Variants in RAPGEF6 observed in about 807,000 individuals in gnomAD.
The protein encoded by RAPGEF6 is PDZ domain containing guanine nucleotide exchange factor (GEF) 2.
Under a neutral mutation model 171.4 loss-of-function variants are expected in RAPGEF6, and 56 were observed. The observed-to-expected ratio is 0.33, with a 90% CI of 0.26 to 0.41. The LOEUF is 0.41. Among genes scored for constraint, RAPGEF6 ranks in the 10% least tolerant of loss-of-function variants. The pLI is 1.00. For missense variants in RAPGEF6, 1,674 were observed against 1,921.4 expected, an observed-to-expected ratio of 0.87 and a Z score of 2.41; for synonymous variants, 692 against 650.1, an observed-to-expected ratio of 1.06 and a Z score of -0.98.
At chr5:131,462,218 T>A in intron 18 of RAPGEF6, 130 bp from the exon 19 acceptor site, 4 of 827,034 alleles carry the variant, frequency 4.8e-6, no homozygotes, top group Non-Finnish European at 6.7e-6. Flanking sequence ...AATTTACAGA[T>A]AAAATGAAAA....
At chr5:131,444,787 A>T (rs1479116826) in intron 22 of RAPGEF6, among the ~76,000 whole-genome samples, 1 of 152,194 alleles carries the variant, frequency 6.6e-6, no homozygotes, top group African/African-American at 2.4e-5. Context: ...CCATAAGATG[A>T]TTAAGTCTAC....
chr5:131,625,329 T>C (rs1230897107), intron 1 of RAPGEF6, among the ~76,000 whole-genome samples: 1 of 152,148 alleles, frequency 6.6e-6, no homozygotes, highest in Non-Finnish European at 1.5e-5. Context: ...ATATGGACTT[T>C]ATGTTTTATA....
intron 16 of RAPGEF6, among the ~76,000 whole-genome samples, chr5:131,475,964 GA>G (rs1472814614): frequency 6.6e-6 from 1 of 152,084 alleles, no homozygotes; most frequent in African/African-American, 2.4e-5. Flanking sequence ...CAGAAATTGT[GA>G]AACTGAACTC....
intron 6 of RAPGEF6, among the ~76,000 whole-genome samples, chr5:131,539,902 AC>A (rs545274430): frequency 1.3e-5 from 2 of 152,238 alleles, no homozygotes; most frequent in Non-Finnish European, 2.9e-5. Flanking sequence ...CTAGCGTGTC[AC>A]ATCATCCTAC....
chr5:131,567,285 T>A (rs1351497680), intron 4 of RAPGEF6, among the ~76,000 whole-genome samples: 1 of 152,192 alleles, frequency 6.6e-6, no homozygotes, highest in Non-Finnish European at 1.5e-5. Flanking sequence ...GTTATCTTTC[T>A]TGTGTTTATT....
Position 131,580,152 on chromosome 5 carries a change from G to A in RAPGEF6, c.281+12231C>T, listed in dbSNP as rs536543088. Reference sequence around the variant, plus strand: ...CTGTGGGGGGGGGCTCGGGCATGGCGGGCTGCAGGTCCCCAGCTCTGCCCC... The same window carrying A: ...CTGTGGGGGGGGGCTCGGGCATGGCAGGCTGCAGGTCCCCAGCTCTGCCCC... On this transcript the variant is annotated intron_variant, in intron 4 of 27. Transcript: ENST00000509018. Among the ~76,000 whole-genome samples the A allele has an allele frequency of 5.3e-3, 809 of 152,314 alleles. 4 individuals carry two copies. The highest frequency in any genetic ancestry group is 0.019 in the African/African-American group (774 of 41,566).
intron 20 of RAPGEF6, among the ~76,000 whole-genome samples, chr5:131,453,891 A>G (rs1015790992): frequency 2.0e-5 from 3 of 152,254 alleles, no homozygotes; most frequent in African/African-American, 4.8e-5. Context: ...TCAGAAAAAC[A>G]TATCTGAAGC....
chr5:131,593,535 G>T (rs997988483), intron 3 of RAPGEF6, among the ~76,000 whole-genome samples: 9 of 152,222 alleles, frequency 5.9e-5, no homozygotes, highest in African/African-American at 2.2e-4. Context: ...AGACAGAAAA[G>T]ATGTGGAAAA....
At chr5:131,487,184 T>A (rs1755958005) in intron 15 of RAPGEF6, among the ~76,000 whole-genome samples, 1 of 152,216 alleles carries the variant, frequency 6.6e-6, no homozygotes, top group Non-Finnish European at 1.5e-5. Flanking sequence ...GGTGGGTTCA[T>A]GGTCTTGCTG....
chr5:131,601,193 G>A (rs1020342304), intron 3 of RAPGEF6, among the ~76,000 whole-genome samples: 3 of 151,814 alleles, frequency 2.0e-5, no homozygotes, highest in Non-Finnish European at 4.4e-5. Flanking sequence ...AGACCAGCCT[G>A]ACCAACATGG....
chr5:131,541,139 G>A (rs569187590), intron 6 of RAPGEF6, among the ~76,000 whole-genome samples: 2 of 152,164 alleles, frequency 1.3e-5, no homozygotes, highest in African/African-American at 4.8e-5. Flanking sequence ...GAATAATATG[G>A]GCACACTTCA....
intron 6 of RAPGEF6, among the ~76,000 whole-genome samples, chr5:131,531,924 G>A (rs977183676): frequency 6.6e-6 from 1 of 150,378 alleles, no homozygotes; most frequent in Non-Finnish European, 1.5e-5. Context: ...AAATCTCTTA[G>A]AGGTCACGTT....
chr5:131,608,662 G>A (rs188013814), intron 1 of RAPGEF6, among the ~76,000 whole-genome samples: 12 of 152,278 alleles, frequency 7.9e-5, no homozygotes, highest in Admixed American at 5.2e-4. Context: ...GGTCATGCGG[G>A]TGGATCCCTT....
intron 12 of RAPGEF6, 96 bp downstream of exon 12, chr5:131,498,347 C>T (rs1209992973): frequency 8.6e-7 from 1 of 1,159,090 alleles, no homozygotes; most frequent in East Asian, 2.4e-5. Flanking sequence ...TGTACTGAAT[C>T]TTATTATCAT....
chr5:131,437,074 A>G (rs1458815289), intron 24 of RAPGEF6, among the ~76,000 whole-genome samples: 1 of 152,232 alleles, frequency 6.6e-6, no homozygotes, highest in East Asian at 1.9e-4. Flanking sequence ...AGTTTTGTTC[A>G]ATCATAGGTT....
chr5:131,500,022 C>T (rs1756914086), intron 11 of RAPGEF6, among the ~76,000 whole-genome samples: 1 of 152,158 alleles, frequency 6.6e-6, no homozygotes, highest in South Asian at 2.1e-4. Context: ...CCTCAGCCTC[C>T]TGAGTAGCTG....
intron 5 of RAPGEF6, among the ~76,000 whole-genome samples, chr5:131,552,239 G>A (rs1339374864): frequency 6.6e-6 from 1 of 151,534 alleles, no homozygotes; most frequent in Non-Finnish European, 1.5e-5. Context: ...CAAGCAGAAG[G>A]GGACAGGAAG....
chr5:131,545,925 T>C (rs747609764), intron 6 of RAPGEF6, among the ~76,000 whole-genome samples: 4 of 152,212 alleles, frequency 2.6e-5, no homozygotes, highest in African/African-American at 4.8e-5. Context: ...AAAATGCCAC[T>C]ATACTTAGCG....
intron 7 of RAPGEF6, among the ~76,000 whole-genome samples, chr5:131,513,933 T>C (rs1449626003): frequency 6.6e-6 from 1 of 152,108 alleles, no homozygotes; most frequent in East Asian, 1.9e-4. Flanking sequence ...GAGGCTGAGG[T>C]GGGAGGATTG....
Sources: gnomAD v4.1 joint callset for allele counts (sites outside exome capture counted in the v4.1 genomes callset) on GRCh38, gnomAD v4.1.1 for gene constraint, MANE v1.5 for transcripts, NCBI Gene and HGNC (gene_info 2026-07-23, HGNC 2026-07-21) for gene names.